The following AUTS2 variants were observed in gnomAD, a reference collection of about 807,000 sequenced individuals.
AUTS2 encodes activator of transcription and developmental regulator AUTS2.
AUTS2 carries 17 observed loss-of-function variants against 112.4 expected under a neutral mutation model. The observed-to-expected ratio is 0.15, with a 90% CI of 0.10 to 0.23. The LOEUF is 0.23. AUTS2 is among the 10% of genes least tolerant of loss of function. AUTS2 has a pLI of 1.00. For synonymous variants in AUTS2, 751 were observed against 702.7 expected (o/e 1.07, Z -1.09); for missense variants, 1,510 against 1,701.6 (o/e 0.89, Z 1.98).
intron 6 of AUTS2, among the ~76,000 whole-genome samples, chr7:70,762,437 A>G (rs942379185): frequency 6.8e-6 from 1 of 146,118 alleles, no homozygotes; most frequent in Non-Finnish European, 1.5e-5. Context: ...CACCTGGCTA[A>G]TTTTTTTTTT....
chr7:70,052,110 C>T (rs1801781164), intron 2 of AUTS2, among the ~76,000 whole-genome samples: 1 of 152,148 alleles, frequency 6.6e-6, no homozygotes, highest in Non-Finnish European at 1.5e-5. Context: ...GAGTATTGTG[C>T]AGTGCAGCAA....
At chr7:70,264,816 G>A (rs1372862561) in intron 4 of AUTS2, among the ~76,000 whole-genome samples, 2 of 152,162 alleles carry the variant, frequency 1.3e-5, no homozygotes, top group Non-Finnish European at 2.9e-5. Context: ...TCTCTGCATT[G>A]CAAATATCAG....
At chr7:70,588,924 T>C (rs1049544109) in intron 5 of AUTS2, among the ~76,000 whole-genome samples, 1 of 152,206 alleles carries the variant, frequency 6.6e-6, no homozygotes, top group Admixed American at 6.5e-5. Flanking sequence ...TTCTGGAGTT[T>C]TTCTTTAGAA....
At position 69,651,480 on chromosome 7, in the gene AUTS2, C is replaced by T. The variant is rs148869985; in HGVS notation, c.309+51518C>T. Among the ~76,000 whole-genome samples the T allele has an allele frequency of 2.0e-5, 3 of 152,318 alleles. No homozygotes were observed. The East Asian group carries it at 5.8e-4, about 29-fold the overall frequency. ...TTCTGGGGAATTCCCCAAAGCTGGACGCACTTGTTAAATGAGGTTATGGCT... is the reference window on the plus strand; with the variant it reads ...TTCTGGGGAATTCCCCAAAGCTGGATGCACTTGTTAAATGAGGTTATGGCT... On this transcript the variant is annotated intron_variant, in intron 1 of 18. Transcript: ENST00000342771.
intron 4 of AUTS2, among the ~76,000 whole-genome samples, chr7:70,335,249 G>T (rs1790935833): frequency 6.6e-6 from 1 of 152,138 alleles, no homozygotes; most frequent in East Asian, 1.9e-4. Flanking sequence ...ACAGAGGATG[G>T]GTTTTAGCTC....
chr7:70,437,166 T>C (rs2006810), intron 5 of AUTS2: 68,651 of 152,070 alleles, frequency 0.45, 16,426 homozygotes, highest in African/African-American at 0.61. Flanking sequence ...TGGATGACAG[T>C]GAAAGTACAC....
At chr7:70,257,622 GTT>G (rs768640377) in intron 4 of AUTS2, among the ~76,000 whole-genome samples, 4 of 139,740 alleles carry the variant, frequency 2.9e-5, no homozygotes, top group Admixed American at 7.2e-5. Flanking sequence ...CTGGCCTGAA[GTT>G]TTTTTTTTTT....
At chr7:70,489,312 A>G (rs903164759) in intron 5 of AUTS2, among the ~76,000 whole-genome samples, 1 of 152,256 alleles carries the variant, frequency 6.6e-6, no homozygotes, top group Non-Finnish European at 1.5e-5. Context: ...TTATTTAATC[A>G]GGGGCAACTG....
chr7:70,145,081 C>T (rs529021586), intron 4 of AUTS2, among the ~76,000 whole-genome samples: 1 of 152,180 alleles, frequency 6.6e-6, no homozygotes, highest in Admixed American at 6.6e-5. Flanking sequence ...AATTTCAGTG[C>T]TACTAGATTT....
intron 5 of AUTS2, among the ~76,000 whole-genome samples, chr7:70,533,909 G>A (rs1173450015): frequency 6.6e-6 from 1 of 152,170 alleles, no homozygotes; most frequent in Non-Finnish European, 1.5e-5. Context: ...TTCCTTGGGT[G>A]CTGGAAGTAC....
intron 5 of AUTS2, among the ~76,000 whole-genome samples, chr7:70,446,889 T>C (rs1796339857): frequency 6.6e-6 from 1 of 152,118 alleles, no homozygotes; most frequent in African/African-American, 2.4e-5. Context: ...ACCCAGGGGA[T>C]GTTTATGTCT....
intron 1 of AUTS2, among the ~76,000 whole-genome samples, chr7:69,805,543 G>A (rs1437408897): frequency 6.6e-6 from 1 of 152,114 alleles, no homozygotes; most frequent in Admixed American, 6.6e-5. Flanking sequence ...GAACCAAATT[G>A]TGCAGACAAG....
chr7:70,344,914 T>C (rs1791426372), intron 4 of AUTS2, among the ~76,000 whole-genome samples: 1 of 152,224 alleles, frequency 6.6e-6, no homozygotes, highest in South Asian at 2.1e-4. Context: ...TCTTGGCTCC[T>C]CTGGCCGCCT....
intron 1 of AUTS2, among the ~76,000 whole-genome samples, chr7:69,869,841 G>T (rs935626823): frequency 6.6e-6 from 1 of 152,130 alleles, no homozygotes; most frequent in Non-Finnish European, 1.5e-5. Context: ...AAGTTCCTTA[G>T]TGTATAATCT....
intron 2 of AUTS2, among the ~76,000 whole-genome samples, chr7:70,072,408 C>T (rs560889602): frequency 2.0e-5 from 3 of 152,218 alleles, no homozygotes; most frequent in African/African-American, 4.8e-5. Context: ...CAGCTGTTGT[C>T]CTCTAGTAGA....
intron 1 of AUTS2, among the ~76,000 whole-genome samples, chr7:69,826,111 A>G (rs868752826): frequency 2.2e-4 from 33 of 152,310 alleles, no homozygotes; most frequent in African/African-American, 7.2e-4. Context: ...TTATTCATGC[A>G]GGGAGAATTC....
chr7:70,714,458 C>T (rs2129550374), intron 6 of AUTS2, among the ~76,000 whole-genome samples: 1 of 152,286 alleles, frequency 6.6e-6, no homozygotes. Context: ...ATCACACTAA[C>T]TAAATATGCA....
At chr7:70,313,243 A>G (rs1478861587) in intron 4 of AUTS2, among the ~76,000 whole-genome samples, 1 of 152,232 alleles carries the variant, frequency 6.6e-6, no homozygotes, top group East Asian at 1.9e-4. Context: ...TTCCCCATTT[A>G]TAACACTTGT....
At position 70,786,948 on chromosome 7, in the gene AUTS2, G is replaced by A; in HGVS notation, c.2309-261G>A. On this transcript the variant is annotated intron_variant, in intron 17 of 18. Coordinates refer to ENST00000342771, the MANE Select transcript of AUTS2 (RefSeq NM_015570.4). ...ATTAGGTCATCTCAGTACCCATTTG[G>A]TCCCTTTTCCTTTTTAACTTCCCCT... The A allele has an allele frequency of 1.1e-5, 6 of 554,610 alleles. No homozygotes were observed. The Middle Eastern group carries it at 1.5e-3, about 139-fold the overall frequency. The allele number at this position is 554,610 out of a possible 1,614,324, so 34.4% of individuals were successfully genotyped here. A position where few individuals can be genotyped will look rare whatever the true frequency, so the allele number is the denominator to read the frequency against.
Sources: gnomAD v4.1 joint callset for allele counts (sites outside exome capture counted in the v4.1 genomes callset) on GRCh38, gnomAD v4.1.1 for gene constraint, MANE v1.5 for transcripts, NCBI Gene and HGNC (gene_info 2026-07-23, HGNC 2026-07-21) for gene names.